Variants in BRINP1 observed in about 807,000 individuals in gnomAD.
The protein encoded by BRINP1 is BMP/retinoic acid inducible neural specific 1.
A neutral mutation model predicts 72.9 loss-of-function variants in BRINP1; 17 were observed. The ratio of observed to expected loss-of-function variants is 0.23; its 90% CI spans 0.16 to 0.35. The LOEUF is 0.35. Ranked by LOEUF, BRINP1 falls within the 10% of genes least tolerant of loss-of-function variation. The pLI, the probability that BRINP1 is intolerant of heterozygous loss-of-function variation, is 1.00. For synonymous variants in BRINP1, 418 were observed against 378.5 expected, an observed-to-expected ratio of 1.10 and a Z score of -1.21; for missense variants, 850 against 1,001.6, an observed-to-expected ratio of 0.85 and a Z score of 2.04.
chr9:119,327,757 G>C (rs1831254207), intron 1 of BRINP1, among the ~76,000 whole-genome samples: 1 of 152,176 alleles, frequency 6.6e-6, no homozygotes, highest in Non-Finnish European at 1.5e-5. Flanking sequence ...TTGGTAACCA[G>C]GTTAATGCTG....
At chr9:119,248,006 A>G (rs1830341312) in intron 3 of BRINP1, among the ~76,000 whole-genome samples, 1 of 152,122 alleles carries the variant, frequency 6.6e-6, no homozygotes, top group Non-Finnish European at 1.5e-5. Context: ...AAGCTCTGCC[A>G]CCTCCCTTTA....
chr9:119,213,609 C>T lies in BRINP1; in HGVS notation c.922+310G>A, dbSNP rs1016916101. 8.6e-5 allele frequency: 47 copies of T among 549,082 alleles called. No individual in the cohort carries two copies. In the African/African-American group the frequency reaches 8.8e-4, roughly 10 times the overall value. 34.0% of individuals were successfully genotyped at this position (549,082 alleles called of 1,614,324 possible). ...ACATACACAGCCCAAGGAATCAATA[C>T]AACTACCTCTGACTCTTCCCTCTCC... On this transcript the variant is annotated intron_variant, in intron 6 of 7. Transcript: ENST00000265922.
At chr9:119,348,245 C>T (rs1831468693) in intron 1 of BRINP1, among the ~76,000 whole-genome samples, 2 of 152,176 alleles carry the variant, frequency 1.3e-5, no homozygotes, top group African/African-American at 4.8e-5. Flanking sequence ...ACTTCTTTCA[C>T]TTAGCAATAT....
Position 119,341,538 on chromosome 9 carries a change from G to A in BRINP1, c.-51+27518C>T, listed in dbSNP as rs578225112. On this transcript the variant is annotated intron_variant, in intron 1 of 7. Coordinates refer to ENST00000265922, the MANE Select transcript of BRINP1 (RefSeq NM_014618.3). ...CCAGCAACAGCAGCAGTGAGCCGCA[G>A]CTCCCAATCAGCCACGATTTTATGA... 1.0e-3 allele frequency among the ~76,000 whole-genome samples: 153 copies of A among 152,222 alleles called. 2 individuals carry two copies. Among genetic ancestry groups the A allele is most frequent in the Non-Finnish European group, 1.7e-3 (118 of 68,012 alleles).
chr9:119,255,760 C>G (rs1830439695), intron 2 of BRINP1, among the ~76,000 whole-genome samples: 2 of 151,894 alleles, frequency 1.3e-5, no homozygotes, highest in Admixed American at 6.6e-5. Context: ...TCAAGACCAG[C>G]CTGGGAAATA....
chr9:119,202,138 T>G (rs1219834440), intron 7 of BRINP1, among the ~76,000 whole-genome samples: 2 of 152,226 alleles, frequency 1.3e-5, no homozygotes, highest in Admixed American at 6.5e-5. Context: ...TACCTGCTAT[T>G]TAATCATCAG....
In BRINP1 at chr9:119,318,847, GTGTGTGTGT is replaced by G. The variant is rs1831155398; in HGVS notation, c.-50-5451_-50-5443del. ...TACATGGAAGAGAAATGTGTGGGGTGTGTGTGTGTGTGTGTGTGTGTGTGTGTGTGTGTG... is the reference window on the plus strand; with the variant it reads ...TACATGGAAGAGAAATGTGTGGGGTGGTGTGTGTGTGTGTGTGTGTGTGTG... On this transcript the variant is annotated intron_variant, in intron 1 of 7. Transcript: ENST00000265922. Among the ~76,000 whole-genome samples, 34 of 63,848 alleles carry G rather than the reference GTGTGTGTGT, an allele frequency of 5.3e-4. No individual in the cohort carries two copies. The Middle Eastern group carries it at 0.034, about 64-fold the overall frequency. 41.9% of individuals were successfully genotyped at this position (63,848 alleles called of 152,430 possible).
intron 1 of BRINP1, among the ~76,000 whole-genome samples, chr9:119,365,982 C>A (rs183560570): frequency 6.4e-4 from 97 of 152,246 alleles, no homozygotes; most frequent in Admixed American, 3.1e-3. Context: ...TCTAAGAGCA[C>A]GCTTTTGAGT....
chr9:119,179,105 A>T (rs999706641), intron 7 of BRINP1, among the ~76,000 whole-genome samples: 9 of 151,992 alleles, frequency 5.9e-5, no homozygotes, highest in Non-Finnish European at 1.2e-4. Flanking sequence ...GCCTTCCTCA[A>T]CCCCGGCAAC....
At chr9:119,276,494 A>T (rs1205938054) in intron 2 of BRINP1, among the ~76,000 whole-genome samples, 2 of 152,230 alleles carry the variant, frequency 1.3e-5, no homozygotes, top group East Asian at 3.8e-4. Context: ...CTTTAACATC[A>T]ATACAATTAG....
chr9:119,350,278 C>A (rs890414125), intron 1 of BRINP1, among the ~76,000 whole-genome samples: 2 of 152,096 alleles, frequency 1.3e-5, no homozygotes, highest in African/African-American at 4.8e-5. Context: ...CAAGTCAGAG[C>A]CCTACCCGAG....
intron 2 of BRINP1, among the ~76,000 whole-genome samples, chr9:119,280,317 C>A (rs1355657803): frequency 1.3e-5 from 2 of 151,700 alleles, no homozygotes; most frequent in African/African-American, 4.8e-5. Flanking sequence ...CGGCTCACTG[C>A]AAGCTCCCTC....
At chr9:119,330,384 GT>G (rs1831287768) in intron 1 of BRINP1, among the ~76,000 whole-genome samples, 1 of 152,108 alleles carries the variant, frequency 6.6e-6, no homozygotes. Context: ...TTGCCTCAAG[GT>G]TTTGCAAATT....
intron 2 of BRINP1, among the ~76,000 whole-genome samples, chr9:119,310,403 G>GAGAAGCTTGGCTTGTAAAA (rs1831049192): frequency 6.6e-6 from 1 of 152,158 alleles, no homozygotes; most frequent in Admixed American, 6.5e-5. Context: ...GGCTTGTAAA[G>GAGAAGCTTGGCTTGTAAAA]CAACATGAGA....
intron 1 of BRINP1, among the ~76,000 whole-genome samples, chr9:119,355,961 T>C (rs1831560566): frequency 6.6e-6 from 1 of 151,948 alleles, no homozygotes; most frequent in African/African-American, 2.4e-5. Context: ...ATTTGCACCT[T>C]CTTTTCTTTT....
At chr9:119,225,934 C>A (rs1017339337) in intron 5 of BRINP1, among the ~76,000 whole-genome samples, 3 of 151,962 alleles carry the variant, frequency 2.0e-5, no homozygotes, top group African/African-American at 4.8e-5. Context: ...TTCGACAGTT[C>A]AAATAACTTT....
Position 119,167,047 on chromosome 9 carries a change from A to G in BRINP1, c.*37T>C. On this transcript the variant is annotated 3_prime_UTR_variant, in exon 8 of 8. Coordinates refer to ENST00000265922, the MANE Select transcript of BRINP1 (RefSeq NM_014618.3). This position sits in a 1 kb window ranked among gnomAD's most constrained non-coding sequence, Gnocchi z 4.3. ...CTTCATTTTGTTCTGTTGTGTGTGT[A>G]CAACAACAGGAAAAGTCCATGGCAA... 6.5e-7 allele frequency: 1 copy of G among 1,550,200 alleles called. No individual in the cohort carries two copies. The highest frequency in any genetic ancestry group is 1.9e-4 in the Middle Eastern group (1 of 5,396).
At chr9:119,182,695 C>T (rs571521759) in intron 7 of BRINP1, among the ~76,000 whole-genome samples, 14 of 152,210 alleles carry the variant, frequency 9.2e-5, no homozygotes, top group Non-Finnish European at 1.6e-4. Context: ...TGATCTCGGA[C>T]TTCCCAACCT....
intron 5 of BRINP1, among the ~76,000 whole-genome samples, chr9:119,221,638 T>A (rs1830042559): frequency 6.6e-6 from 1 of 152,164 alleles, no homozygotes; most frequent in African/African-American, 2.4e-5. Flanking sequence ...GGGTTCCTGC[T>A]TCCTTGATAT....
Sources: gnomAD v4.1 joint callset for allele counts (sites outside exome capture counted in the v4.1 genomes callset) on GRCh38, gnomAD v4.1.1 for gene constraint, Gnocchi (gnomAD v3.1) non-coding constraint, MANE v1.5 for transcripts, NCBI Gene and HGNC (gene_info 2026-07-23, HGNC 2026-07-21) for gene names.